The following DLGAP1 variants were observed in gnomAD, a reference collection of about 807,000 sequenced individuals.
The protein encoded by DLGAP1 is DLG associated protein 1, also known as disks large-associated protein 1.
Under a neutral mutation model 90.8 loss-of-function variants are expected in DLGAP1, and 11 were observed. That is an observed-to-expected ratio of 0.12 (90% CI 0.08 to 0.20). DLGAP1 has a LOEUF of 0.20. DLGAP1 is among the 10% of genes least tolerant of loss of function. The pLI is 1.00. For synonymous variants in DLGAP1, 558 were observed against 540.7 expected (o/e 1.03, Z -0.44); for missense variants, 1,050 against 1,333.8 (o/e 0.79, Z 3.31).
At chr18:3,682,696 G>C (rs999652440) in intron 7 of DLGAP1, among the ~76,000 whole-genome samples, 2 of 152,192 alleles carry the variant, frequency 1.3e-5, no homozygotes, top group East Asian at 3.8e-4. Flanking sequence ...CAAAGTTCCT[G>C]TCGGCTGTAG....
chr18:3,836,993 C>T (rs568161885), intron 4 of DLGAP1, among the ~76,000 whole-genome samples: 10 of 152,052 alleles, frequency 6.6e-5, no homozygotes, highest in African/African-American at 1.7e-4. Flanking sequence ...GAACTCAGAA[C>T]GAGGGAAAAA....
intron 1 of DLGAP1, among the ~76,000 whole-genome samples, chr18:4,441,141 C>A (rs2083527788): frequency 6.6e-6 from 1 of 152,164 alleles, no homozygotes; most frequent in Non-Finnish European, 1.5e-5. Flanking sequence ...TAAATTGTGT[C>A]CTTATTGCAG....
chr18:3,987,538 T>G (rs958044183), intron 3 of DLGAP1, among the ~76,000 whole-genome samples: 7 of 152,220 alleles, frequency 4.6e-5, no homozygotes, highest in African/African-American at 1.7e-4. Flanking sequence ...CTTTGCGTAT[T>G]CGAACTCACT....
chr18:4,261,808 T>A (rs769307546), intron 1 of DLGAP1, among the ~76,000 whole-genome samples: 1 of 152,134 alleles, frequency 6.6e-6, no homozygotes, highest in African/African-American at 2.4e-5. Flanking sequence ...CACAAATGTA[T>A]ATACTAAGTG....
chr18:3,947,949 C>T (rs1413647218), intron 3 of DLGAP1, among the ~76,000 whole-genome samples: 1 of 152,086 alleles, frequency 6.6e-6, no homozygotes, highest in Non-Finnish European at 1.5e-5. Flanking sequence ...TTGGTGGGTG[C>T]ATCTCAGGAA....
intron 1 of DLGAP1, among the ~76,000 whole-genome samples, chr18:4,344,238 T>C (rs1199397955): frequency 3.9e-5 from 6 of 152,208 alleles, no homozygotes; most frequent in Non-Finnish European, 8.8e-5. Context: ...CTATGCGTTA[T>C]ATTATTTAAT....
chr18:4,306,432 T>A (rs1365208730), intron 1 of DLGAP1, among the ~76,000 whole-genome samples: 3 of 87,022 alleles, frequency 3.4e-5, no homozygotes, highest in African/African-American at 6.9e-5. Flanking sequence ...TAAGAGTGTG[T>A]GTGTGTGTGT....
At chr18:4,278,682 G>A (rs2079475575) in intron 1 of DLGAP1, among the ~76,000 whole-genome samples, 1 of 151,806 alleles carries the variant, frequency 6.6e-6, no homozygotes, top group Non-Finnish European at 1.5e-5. Flanking sequence ...GTGTGGGTGT[G>A]TATATAACAT....
At chr18:3,870,604 A>ACATC (rs925559164) in intron 4 of DLGAP1, among the ~76,000 whole-genome samples, 5 of 139,934 alleles carry the variant, frequency 3.6e-5, no homozygotes, top group African/African-American at 8.0e-5. Flanking sequence ...ATACATAAAT[A>ACATC]CATCTATCTA....
chr18:3,865,588 T>G (rs2070334501), intron 4 of DLGAP1, among the ~76,000 whole-genome samples: 2 of 152,164 alleles, frequency 1.3e-5, no homozygotes, highest in Non-Finnish European at 2.9e-5. Context: ...AAATTCTCAT[T>G]TAAAAATCCT....
At chr18:4,031,357 T>A (rs2074793226) in intron 2 of DLGAP1, among the ~76,000 whole-genome samples, 1 of 152,176 alleles carries the variant, frequency 6.6e-6, no homozygotes, top group Non-Finnish European at 1.5e-5. Context: ...TTTACAAACA[T>A]ATTTCTACCA....
chr18:3,814,024 T>C (rs1221489888), intron 5 of DLGAP1, 35 bp downstream of exon 5: 1 of 1,605,514 alleles, frequency 6.2e-7, no homozygotes, highest in African/African-American at 1.3e-5. Flanking sequence ...TACAAGCACC[T>C]GGACTATCGC....
chr18:3,695,991 GCTCT>G (rs1196143027), intron 7 of DLGAP1, among the ~76,000 whole-genome samples: 1 of 151,972 alleles, frequency 6.6e-6, no homozygotes, highest in East Asian at 1.9e-4. Context: ...TCATGATTTG[GCTCT>G]CTGTCTATTA....
At chr18:4,351,162 AAT>A in intron 1 of DLGAP1, among the ~76,000 whole-genome samples, 1 of 152,316 alleles carries the variant, frequency 6.6e-6, no homozygotes, top group African/African-American at 2.4e-5. Flanking sequence ...CACAGAAAGG[AAT>A]ATCAAGGTGG....
chr18:3,594,150 C>CA (rs1226391859), intron 7 of DLGAP1: 2 of 152,324 alleles, frequency 1.3e-5, no homozygotes, highest in African/African-American at 4.8e-5. Flanking sequence ...CCAGCCCAGT[C>CA]AAAAGAGCTT....
intron 1 of DLGAP1, among the ~76,000 whole-genome samples, chr18:4,258,955 T>C (rs2078950965): frequency 6.6e-6 from 1 of 152,208 alleles, no homozygotes; most frequent in South Asian, 2.1e-4. Context: ...GTGGACCTTA[T>C]AGATCAGTTA....
intron 10 of DLGAP1, among the ~76,000 whole-genome samples, chr18:3,530,688 C>T (rs2051933542): frequency 6.6e-6 from 1 of 152,206 alleles, no homozygotes; most frequent in African/African-American, 2.4e-5. Context: ...GCTGCTGAGA[C>T]ATACCTTGTT....
intron 1 of DLGAP1, among the ~76,000 whole-genome samples, chr18:4,364,212 C>T (rs959581113): frequency 3.0e-5 from 4 of 131,826 alleles, no homozygotes; most frequent in East Asian, 2.3e-4. Flanking sequence ...ACAATGAGAA[C>T]ACATGGACAC....
intron 2 of DLGAP1, among the ~76,000 whole-genome samples, chr18:4,086,386 T>C (rs921783602): frequency 1.3e-5 from 2 of 152,218 alleles, no homozygotes; most frequent in East Asian, 3.9e-4. Context: ...TTATTACTAA[T>C]TACTTTAGCT....
Sources: gnomAD v4.1 joint callset for allele counts (sites outside exome capture counted in the v4.1 genomes callset) on GRCh38, gnomAD v4.1.1 for gene constraint, MANE v1.5 for transcripts, NCBI Gene and HGNC (gene_info 2026-07-23, HGNC 2026-07-21) for gene names.